Variants in GALNTL6 observed in about 807,000 individuals in gnomAD.
GALNTL6 encodes polypeptide N-acetylgalactosaminyltransferase-like 6.
In GALNTL6, 46 loss-of-function variants were observed where a neutral mutation model predicts 73.7. The ratio of observed to expected loss-of-function variants is 0.62; its 90% CI spans 0.49 to 0.80. The LOEUF is 0.80. Among genes scored for constraint, GALNTL6 ranks in the 30% least tolerant of loss-of-function variants. The probability of loss-of-function intolerance (pLI) is 0.00; values close to 1 mark genes in which losing one functional copy is unlikely to be tolerated. For missense variants in GALNTL6, 604 were observed against 755.0 expected (o/e 0.80, Z 2.34); for synonymous variants, 259 against 263.7 (o/e 0.98, Z 0.17).
chr4:172,663,709 A>G (rs2111185894), intron 5 of GALNTL6, among the ~76,000 whole-genome samples: 1 of 152,214 alleles, frequency 6.6e-6, no homozygotes, highest in East Asian at 1.9e-4. Flanking sequence ...CGGGTGGCTC[A>G]CTTAGGGTCA....
At chr4:172,301,355 T>C (rs1739912305) in intron 3 of GALNTL6, among the ~76,000 whole-genome samples, 1 of 152,186 alleles carries the variant, frequency 6.6e-6, no homozygotes, top group South Asian at 2.1e-4. Flanking sequence ...TCTGAAGCCT[T>C]CTTCTCTCAA....
At position 172,579,811 on chromosome 4, in the gene GALNTL6, AGGGAAGGAAG is replaced by A. The variant is rs1737103050; in HGVS notation, c.554-229548_554-229539del. On this transcript the variant is annotated intron_variant, in intron 5 of 12. Coordinates refer to ENST00000506823, the MANE Select transcript of GALNTL6 (RefSeq NM_001034845.3). ...GAAGGAAGGAAGGAGGGAAGGAAGG[AGGGAAGGAAG>A]GAGGGAAGGAAGGAGGGAAGGAAGG... 6.8e-5 allele frequency among the ~76,000 whole-genome samples: 9 copies of A among 131,878 alleles called. No homozygotes were observed. The East Asian group carries it at 2.1e-3, about 31-fold the overall frequency. 86.5% of individuals were successfully genotyped at this position (131,878 alleles called of 152,430 possible).
intron 5 of GALNTL6, among the ~76,000 whole-genome samples, chr4:172,409,207 A>G (rs920265315): frequency 2.6e-5 from 4 of 152,038 alleles, no homozygotes; most frequent in African/African-American, 9.7e-5. Flanking sequence ...ATTAGTGTTT[A>G]AAGCAGCCAA....
At position 172,769,132 on chromosome 4, in the gene GALNTL6, G is replaced by T. The variant is rs116664814; in HGVS notation, c.554-40229G>T. 4.7e-3 allele frequency among the ~76,000 whole-genome samples: 711 copies of T among 152,122 alleles called. 7 individuals are homozygous for T. Among genetic ancestry groups the T allele is most frequent in the African/African-American group, 0.016 (663 of 41,486 alleles). On this transcript the variant is annotated intron_variant, in intron 5 of 12. Coordinates refer to ENST00000506823, the MANE Select transcript of GALNTL6 (RefSeq NM_001034845.3). ...AAATAATGAATCCAAATGTATTTTG[G>T]AAACCCGCAATTCATCTGGCAGTCT...
At chr4:172,606,630 C>CTATATATATACTATATATATAG (rs1738296513) in intron 5 of GALNTL6, among the ~76,000 whole-genome samples, 8 of 37,568 alleles carry the variant, frequency 2.1e-4, no homozygotes, top group Admixed American at 1.3e-3. Flanking sequence ...TATATATATA[C>CTATATATATACTATATATATAG]TATATATATA....
chr4:172,648,916 T>A (rs1740359482), intron 5 of GALNTL6, among the ~76,000 whole-genome samples: 1 of 152,162 alleles, frequency 6.6e-6, no homozygotes, highest in Non-Finnish European at 1.5e-5. Context: ...CCCTTACTCT[T>A]TACCTTACCT....
At chr4:172,586,281 A>G (rs1341161261) in intron 5 of GALNTL6, among the ~76,000 whole-genome samples, 1 of 152,220 alleles carries the variant, frequency 6.6e-6, no homozygotes, top group Admixed American at 6.5e-5. Context: ...TTCTCCTTTT[A>G]TATGTCACAG....
chr4:172,827,868 T>G (rs554575926), intron 7 of GALNTL6, among the ~76,000 whole-genome samples: 1 of 152,054 alleles, frequency 6.6e-6, no homozygotes, highest in South Asian at 2.1e-4. Context: ...CTATACAAGT[T>G]TTTTTTCACT....
At chr4:172,518,243 TTTTGGGGGAAATG>T (rs1734670137) in intron 5 of GALNTL6, among the ~76,000 whole-genome samples, 1 of 151,976 alleles carries the variant, frequency 6.6e-6, no homozygotes, top group Admixed American at 6.6e-5. Flanking sequence ...TTCTTCTTAA[TTTTGGGGGAAATG>T]TTTGAGAAAT....
chr4:172,087,295 A>T (rs867270068), intron 2 of GALNTL6, among the ~76,000 whole-genome samples: 3 of 151,890 alleles, frequency 2.0e-5, no homozygotes, highest in Non-Finnish European at 4.4e-5. Context: ...ATATAAAAAA[A>T]TTAGCCGGGC....
In GALNTL6 at chr4:171,916,064, A is replaced by T. The variant is rs1408172563; in HGVS notation, c.138+101346A>T. Among the ~76,000 whole-genome samples the T allele has an allele frequency of 2.6e-5, 4 of 152,162 alleles. No individual in the cohort carries two copies. The South Asian group carries it at 6.2e-4, about 24-fold the overall frequency. On this transcript the variant is annotated intron_variant, in intron 2 of 12. Coordinates refer to ENST00000506823, the MANE Select transcript of GALNTL6 (RefSeq NM_001034845.3). ...CATACATGAAGAGGCATTAACAAGC[A>T]CTATCATAAGCATTTCTTATTCATA...
At chr4:172,291,713 C>T (rs1213926977) in intron 3 of GALNTL6, among the ~76,000 whole-genome samples, 5 of 152,024 alleles carry the variant, frequency 3.3e-5, no homozygotes, top group African/African-American at 4.8e-5. Flanking sequence ...CCATATCACG[C>T]TTATCCCGCC....
intron 4 of GALNTL6, among the ~76,000 whole-genome samples, chr4:172,313,523 C>G (rs1331253875): frequency 1.3e-5 from 2 of 152,090 alleles, no homozygotes; most frequent in East Asian, 3.9e-4. Context: ...CAAAAGAAGA[C>G]AGTTATTCCC....
intron 2 of GALNTL6, among the ~76,000 whole-genome samples, chr4:172,106,837 T>G (rs1442463782): frequency 6.6e-6 from 1 of 152,176 alleles, no homozygotes; most frequent in Non-Finnish European, 1.5e-5. Flanking sequence ...ATAAGAATAT[T>G]ATTTTGTTAA....
intron 5 of GALNTL6, among the ~76,000 whole-genome samples, chr4:172,378,663 T>A (rs1743143436): frequency 6.6e-6 from 1 of 152,044 alleles, no homozygotes; most frequent in Admixed American, 6.5e-5. Context: ...CTCTAGAAGT[T>A]TTTTTATCCT....
At chr4:172,707,963 A>G (rs1391748614) in intron 5 of GALNTL6, among the ~76,000 whole-genome samples, 1 of 152,148 alleles carries the variant, frequency 6.6e-6, no homozygotes, top group Non-Finnish European at 1.5e-5. Flanking sequence ...GGTCTAGTTG[A>G]GAAGAGGGAT....
chr4:172,225,907 T>C (rs1736848993), intron 2 of GALNTL6, among the ~76,000 whole-genome samples: 1 of 152,198 alleles, frequency 6.6e-6, no homozygotes, highest in African/African-American at 2.4e-5. Context: ...AGATACCCTT[T>C]ATTAAAGCAG....
At chr4:172,355,708 T>C (rs1202758476) in intron 5 of GALNTL6, among the ~76,000 whole-genome samples, 5 of 152,180 alleles carry the variant, frequency 3.3e-5, no homozygotes, top group Non-Finnish European at 7.4e-5. Context: ...ACATTTGTCC[T>C]ATGAGTAGCT....
intron 7 of GALNTL6, among the ~76,000 whole-genome samples, chr4:172,857,595 G>A (rs1744186021): frequency 6.6e-6 from 1 of 152,142 alleles, no homozygotes; most frequent in Non-Finnish European, 1.5e-5. Context: ...GTGCACTGCT[G>A]TTCTTTTTGA....
Sources: gnomAD v4.1 joint callset for allele counts (sites outside exome capture counted in the v4.1 genomes callset) on GRCh38, gnomAD v4.1.1 for gene constraint, MANE v1.5 for transcripts, NCBI Gene and HGNC (gene_info 2026-07-23, HGNC 2026-07-21) for gene names.